Variants in NPAS3 observed in about 807,000 individuals in gnomAD.
NPAS3 encodes neuronal PAS domain protein 3.
NPAS3 carries 14 observed loss-of-function variants against 73.1 expected under a neutral mutation model. That is an observed-to-expected ratio of 0.19 (90% CI 0.13 to 0.30). The LOEUF is 0.30. Among genes scored for constraint, NPAS3 ranks in the 10% least tolerant of loss-of-function variants. NPAS3 has a pLI of 1.00. For synonymous variants in NPAS3, 620 were observed against 541.5 expected, an observed-to-expected ratio of 1.14 and a Z score of -2.01; for missense variants, 1,096 against 1,250.0, an observed-to-expected ratio of 0.88 and a Z score of 1.86.
intron 1 of NPAS3, among the ~76,000 whole-genome samples, chr14:32,998,413 T>G (rs1281215603): frequency 3.3e-5 from 5 of 152,082 alleles, no homozygotes; most frequent in Non-Finnish European, 7.4e-5. Flanking sequence ...GGTATGGGGT[T>G]TTTTTTTGGG....
In NPAS3 at chr14:33,642,870, CTCT is replaced by C. The variant is rs528652186; in HGVS notation, c.559-33336_559-33334del. Among the ~76,000 whole-genome samples the C allele has an allele frequency of 9.9e-5, 15 of 152,246 alleles. No individual in the cohort carries two copies. The South Asian group carries it at 2.7e-3, about 27-fold the overall frequency. On this transcript the variant is annotated intron_variant, in intron 5 of 11. Transcript: ENST00000356141. ...ATTCACAGATGGCTGTCTCACTGAT[CTCT>C]TCTTTGTTTGCCAATATTGTGGCTG...
intron 3 of NPAS3, among the ~76,000 whole-genome samples, chr14:33,260,212 A>T (rs114878585): frequency 0.01 from 1,546 of 152,256 alleles, 15 homozygotes; most frequent in African/African-American, 0.035. Flanking sequence ...TTAGATCCTT[A>T]TGTTTGTACC....
At chr14:33,762,620 T>C (rs2140836237) in intron 7 of NPAS3, among the ~76,000 whole-genome samples, 1 of 152,274 alleles carries the variant, frequency 6.6e-6, no homozygotes, top group South Asian at 2.1e-4. Flanking sequence ...GACATACGAA[T>C]AGCAGCGGGA....
At chr14:33,008,921 G>T (rs2039091365) in intron 1 of NPAS3, among the ~76,000 whole-genome samples, 1 of 152,116 alleles carries the variant, frequency 6.6e-6, no homozygotes, top group Non-Finnish European at 1.5e-5. Context: ...CATTTTGATA[G>T]GGAAGCTTAT....
chr14:33,558,884 C>CT (rs1279872308), intron 4 of NPAS3, among the ~76,000 whole-genome samples: 1 of 143,186 alleles, frequency 7.0e-6, no homozygotes. Flanking sequence ...CATTTAAAAA[C>CT]TTTTTTTCCT....
At chr14:33,486,449 T>C (rs1242693277) in intron 4 of NPAS3, among the ~76,000 whole-genome samples, 2 of 152,130 alleles carry the variant, frequency 1.3e-5, no homozygotes, top group African/African-American at 4.8e-5. Context: ...ACTACTCAAA[T>C]CACTTATCTT....
chr14:32,975,332 C>CACTCCCTGCCTCCGTCACTCCCTGCCT (rs2037619499), intron 1 of NPAS3, among the ~76,000 whole-genome samples: 1 of 150,892 alleles, frequency 6.6e-6, no homozygotes. Context: ...CTGCCTCCTT[C>CACTCCCTGCCTCCGTCACTCCCTGCCT]CCTTTTTAGA....
intron 3 of NPAS3, among the ~76,000 whole-genome samples, chr14:33,338,851 C>T (rs776274228): frequency 2.6e-5 from 4 of 152,088 alleles, no homozygotes; most frequent in South Asian, 2.1e-4. Context: ...TCTTTACAAA[C>T]AGTATGGTCA....
At chr14:33,780,657 C>G (rs1048360974) in intron 9 of NPAS3, 2 of 454,846 alleles carry the variant, frequency 4.4e-6, no homozygotes, top group South Asian at 1.6e-5. Flanking sequence ...TCCTCAGGAA[C>G]AGTGAGCGAG....
intron 5 of NPAS3, among the ~76,000 whole-genome samples, chr14:33,563,008 A>C (rs1404459927): frequency 6.6e-6 from 1 of 152,046 alleles, no homozygotes; most frequent in African/African-American, 2.4e-5. Context: ...GTGATAAGGA[A>C]TCTGTAAAGT....
intron 7 of NPAS3, among the ~76,000 whole-genome samples, chr14:33,747,976 A>G (rs1267132759): frequency 6.6e-6 from 1 of 152,112 alleles, no homozygotes; most frequent in Non-Finnish European, 1.5e-5. Flanking sequence ...TCTTCATCAC[A>G]CTTAACACAA....
chr14:33,436,028 A>G (rs537753651), intron 4 of NPAS3, among the ~76,000 whole-genome samples: 2 of 152,348 alleles, frequency 1.3e-5, no homozygotes, highest in South Asian at 4.1e-4. Context: ...CCAGCCAGCC[A>G]TAAAAGAGGA....
intron 1 of NPAS3, among the ~76,000 whole-genome samples, chr14:32,966,641 G>A (rs1480589058): frequency 1.3e-5 from 1 of 75,282 alleles, no homozygotes; most frequent in Non-Finnish European, 3.0e-5. Context: ...GCGGTGGCGG[G>A]CGCCTGTAGT....
rs77922012 is a variant in NPAS3, at chr14:33,144,685, A to G, written c.141-70497A>G. On this transcript the variant is annotated intron_variant, in intron 2 of 11. Coordinates refer to ENST00000356141, the Ensembl canonical transcript of NPAS3. Reference sequence around the variant, plus strand: ...GCTTCCTGAGTAGTTAGGACTACAAATGTGCACCAAAACACCCAGCTAATT... The same window carrying G: ...GCTTCCTGAGTAGTTAGGACTACAAGTGTGCACCAAAACACCCAGCTAATT... Among the ~76,000 whole-genome samples the G allele has an allele frequency of 8.6e-3, 1,306 of 152,298 alleles. 42 individuals carry two copies. Among genetic ancestry groups the G allele is most frequent in the East Asian group, 0.065 (337 of 5,174 alleles).
intron 10 of NPAS3, among the ~76,000 whole-genome samples, chr14:33,794,329 C>T (rs1290903865): frequency 6.6e-6 from 1 of 152,174 alleles, no homozygotes; most frequent in Admixed American, 6.5e-5. Context: ...CCCACAAATG[C>T]TTAGGCCAGA....
chr14:33,390,535 A>G (rs1030667540), intron 4 of NPAS3, among the ~76,000 whole-genome samples: 2 of 152,228 alleles, frequency 1.3e-5, no homozygotes, highest in African/African-American at 2.4e-5. Flanking sequence ...TCCCCCTATT[A>G]CATTATAGAT....
In NPAS3 at chr14:33,735,266, C is replaced by CT; in HGVS notation, c.791dup (p.Ile265HisfsTer20). 6.2e-7 allele frequency: 1 copy of CT among 1,613,640 alleles called. No individual in the cohort carries two copies. The highest frequency in any genetic ancestry group is 8.5e-7 in the Non-Finnish European group (1 of 1,179,686). ...CCACTGACAACACTCTTGAGCGTTC[C>CT]TTTTTCATCCGAATGAAATCTACTC... On this transcript the variant is annotated frameshift_variant, in exon 7 of 12. Coordinates refer to ENST00000356141, the Ensembl canonical transcript of NPAS3. LOFTEE classifies it high-confidence loss of function.
intron 3 of NPAS3, among the ~76,000 whole-genome samples, chr14:33,308,527 T>TATATATATATATATATATATATATACAC: frequency 1.2e-4 from 12 of 103,704 alleles, no homozygotes; most frequent in Admixed American, 2.8e-4. Context: ...TATATATATA[T>TATATATATATATATATATATATATACAC]ACATACACAC....
At chr14:33,411,045 T>C (rs959411489) in intron 4 of NPAS3, among the ~76,000 whole-genome samples, 1 of 152,196 alleles carries the variant, frequency 6.6e-6, no homozygotes, top group Non-Finnish European at 1.5e-5. Flanking sequence ...TCCTACTCAG[T>C]CTCTGGGTTA....
Sources: allele counts gnomAD v4.1 joint callset (sites outside exome capture counted in the v4.1 genomes callset), GRCh38; gene constraint gnomAD v4.1.1; transcripts MANE v1.5; gene names NCBI Gene and HGNC (gene_info 2026-07-23, HGNC 2026-07-21).